PPM1D: variants seen among roughly 807,000 people sequenced by gnomAD.
PPM1D encodes protein phosphatase, Mg2+/Mn2+ dependent 1D.
In PPM1D, 52 loss-of-function variants were observed where a neutral mutation model predicts 58.3. The observed-to-expected ratio is 0.89, with a 90% CI of 0.71 to 1.12. PPM1D has a LOEUF of 1.12. Among genes scored for constraint, PPM1D ranks in the 50% most tolerant of loss-of-function variants. PPM1D has a pLI of 0.00. For synonymous variants in PPM1D, 278 were observed against 285.1 expected (o/e 0.98, Z 0.25); for missense variants, 564 against 777.2 (o/e 0.73, Z 3.26).
At chr17:60,645,335 CAA>C (rs1362066608) in intron 3 of PPM1D, among the ~76,000 whole-genome samples, 1 of 151,284 alleles carries the variant, frequency 6.6e-6, no homozygotes, top group Non-Finnish European at 1.5e-5. Flanking sequence ...GCCTGGGCAA[CAA>C]GAGCGAAACT....
At chr17:60,639,086 A>G (rs929591985) in intron 3 of PPM1D, among the ~76,000 whole-genome samples, 1 of 152,116 alleles carries the variant, frequency 6.6e-6, no homozygotes, top group African/African-American at 2.4e-5. Flanking sequence ...GTTGAAAGGC[A>G]TTCATCAGAT....
At chr17:60,613,389 A>T (rs1435727898) in intron 1 of PPM1D, among the ~76,000 whole-genome samples, 1 of 152,268 alleles carries the variant, frequency 6.6e-6, no homozygotes, top group African/African-American at 2.4e-5. Flanking sequence ...GATTGAGAGT[A>T]TGTGCCCTAG....
intron 2 of PPM1D, among the ~76,000 whole-genome samples, chr17:60,629,063 G>C (rs977981933): frequency 1.3e-5 from 2 of 152,204 alleles, no homozygotes; most frequent in Non-Finnish European, 2.9e-5. Context: ...TTAGTGGGAA[G>C]ATGACCTTGA....
chr17:60,644,069 G>T (rs2031190826), intron 3 of PPM1D, among the ~76,000 whole-genome samples: 3 of 151,534 alleles, frequency 2.0e-5, no homozygotes, highest in South Asian at 4.2e-4. Flanking sequence ...AGTAGAGCCG[G>T]GGTTTCACCG....
At chr17:60,620,650 C>T (rs933706838) in intron 1 of PPM1D, among the ~76,000 whole-genome samples, 5 of 152,068 alleles carry the variant, frequency 3.3e-5, no homozygotes, top group Admixed American at 6.5e-5. Context: ...GCTGGGATTA[C>T]AGGTGTGCGC....
rs774132513 is a variant in PPM1D at position 60,648,031 on chromosome 17, A to T, written c.966A>T (p.Pro322=). The part of the protein sequence containing the change: ...GSDGLWNMIP[P]QDAISMCQDQ... The stretch of plus-strand genomic sequence containing the variant: ...ATGGACTTTGGAATATGATTCCACC[A>T]CAAGATGCCATCTCAATGTGCCAGG... Residue 322 remains proline (P), a synonymous_variant, in exon 4 of 6, where the codon CCA becomes CCT. Transcript: ENST00000305921. 1.2e-6 allele frequency: 2 copies of T among 1,613,880 alleles called. No homozygotes were observed. The highest frequency in any genetic ancestry group is 2.2e-5 in the South Asian group (2 of 91,020).
intron 3 of PPM1D, 56 bp downstream of exon 3, chr17:60,634,033 CAAAAT>C (rs1438188654): frequency 6.3e-6 from 10 of 1,574,982 alleles, no homozygotes; most frequent in Non-Finnish European, 6.9e-6. Flanking sequence ...TATATGGTGG[CAAAAT>C]AAAAGAGGAG....
At chr17:60,605,810 T>G (rs1303654712) in intron 1 of PPM1D, among the ~76,000 whole-genome samples, 3 of 151,998 alleles carry the variant, frequency 2.0e-5, no homozygotes, top group Non-Finnish European at 4.4e-5. Flanking sequence ...GAGGCTGAGG[T>G]GGGAGAATTG....
At chr17:60,640,504 T>G (rs1385163072) in intron 3 of PPM1D, among the ~76,000 whole-genome samples, 1 of 152,222 alleles carries the variant, frequency 6.6e-6, no homozygotes, top group Non-Finnish European at 1.5e-5. Flanking sequence ...CATCCACCAT[T>G]CATCCTAGAT....
At chr17:60,634,395 ACT>A (rs749269164) in intron 3 of PPM1D, among the ~76,000 whole-genome samples, 4 of 152,204 alleles carry the variant, frequency 2.6e-5, no homozygotes, top group South Asian at 2.1e-4. Flanking sequence ...ACAGAGCAAG[ACT>A]CTAAAAAAAA....
intron 1 of PPM1D, among the ~76,000 whole-genome samples, chr17:60,613,195 G>A (rs948548776): frequency 1.3e-5 from 2 of 151,858 alleles, no homozygotes; most frequent in Non-Finnish European, 2.9e-5. Context: ...TAAAGTGAAA[G>A]CAGTGTAGCC....
rs2031549287 is a variant in PPM1D at position 60,662,902 on chromosome 17, A to G, written c.1261-93A>G. 3.2e-6 allele frequency: 4 copies of G among 1,240,534 alleles called. No homozygotes were observed. The Admixed American group carries it at 6.8e-5, about 21-fold the overall frequency. 76.8% of individuals were successfully genotyped at this position (1,240,534 alleles called of 1,614,324 possible). A position where few individuals can be genotyped will look rare whatever the true frequency, so the allele number is the denominator to read the frequency against. ...ATGCATACCCCGTTTTTGCCATCCTACTAGCTTCATAAGAAGCCTAATATC... is the reference window on the plus strand; with the variant it reads ...ATGCATACCCCGTTTTTGCCATCCTGCTAGCTTCATAAGAAGCCTAATATC... On this transcript the variant is annotated intron_variant, in intron 5 of 5. Coordinates refer to ENST00000305921, the MANE Select transcript of PPM1D (RefSeq NM_003620.4).
intron 3 of PPM1D, among the ~76,000 whole-genome samples, chr17:60,638,736 ATACT>A (rs2031074112): frequency 6.6e-6 from 1 of 152,130 alleles, no homozygotes; most frequent in African/African-American, 2.4e-5. Context: ...TTGCATGGAA[ATACT>A]TACTGGCCTA....
intron 3 of PPM1D, among the ~76,000 whole-genome samples, chr17:60,643,876 T>G (rs1193780905): frequency 1.9e-5 from 2 of 105,318 alleles, no homozygotes; most frequent in Admixed American, 2.7e-4. Flanking sequence ...TAGAACTCTT[T>G]TCTTTTCTTT....
chr17:60,663,033 G>A lies in PPM1D; in HGVS notation c.1299G>A (p.Lys433=), dbSNP rs996214132. 6.2e-7 allele frequency: 1 copy of A among 1,613,512 alleles called. No homozygotes were observed. Among genetic ancestry groups the A allele is most frequent in the African/African-American group, 1.3e-5 (1 of 74,880 alleles). Residue 433 remains lysine, a synonymous_variant, in exon 6 of 6, where the codon AAG becomes AAA. Coordinates refer to ENST00000305921, the MANE Select transcript of PPM1D (RefSeq NM_003620.4). ...ATCCATGGCCAAGGGTGAATTCTAA[G>A]GACCATATACCTGCCCTGGTTCGTA... ...EEDPWPRVNS[K]DHIPALVRSN...
intron 5 of PPM1D, among the ~76,000 whole-genome samples, chr17:60,661,808 T>C (rs1343226077): frequency 6.6e-6 from 1 of 152,104 alleles, no homozygotes; most frequent in Non-Finnish European, 1.5e-5. Context: ...ATGTTGTACT[T>C]TGCTTTAATG....
At chr17:60,636,612 TGAG>T (rs2031026508) in intron 3 of PPM1D, among the ~76,000 whole-genome samples, 1 of 152,154 alleles carries the variant, frequency 6.6e-6, no homozygotes. Context: ...AGTAAAGAGA[TGAG>T]GCAGTGAGAC....
intron 1 of PPM1D, among the ~76,000 whole-genome samples, chr17:60,613,975 C>T (rs1329538362): frequency 3.1e-5 from 1 of 32,484 alleles, no homozygotes; most frequent in African/African-American, 3.5e-5. Flanking sequence ...CCGGTCCCGT[C>T]GACTGCCCAA....
At chr17:60,628,631 A>C (rs1405150230) in intron 2 of PPM1D, among the ~76,000 whole-genome samples, 2 of 152,156 alleles carry the variant, frequency 1.3e-5, no homozygotes, top group African/African-American at 4.8e-5. Flanking sequence ...ATGACTTTTT[A>C]ATATATGCAT....
Sources: allele counts gnomAD v4.1 joint callset (sites outside exome capture counted in the v4.1 genomes callset), GRCh38; gene constraint gnomAD v4.1.1; transcripts MANE v1.5; gene names NCBI Gene and HGNC (gene_info 2026-07-23, HGNC 2026-07-21).